The following SPEF2 variants were observed in gnomAD, a reference collection of about 807,000 sequenced individuals.
SPEF2 encodes the protein sperm flagellar and cilia associated 2, also known as sperm flagella and cilia-associated protein 2.
Under a neutral mutation model 224.6 loss-of-function variants are expected in SPEF2, and 187 were observed. The ratio of observed to expected loss-of-function variants is 0.83; its 90% CI spans 0.74 to 0.94. The LOEUF is 0.94. Ranked by LOEUF, SPEF2 falls within the 40% of genes least tolerant of loss-of-function variation. SPEF2 has a pLI of 0.00. For missense variants in SPEF2, 2,170 were observed against 2,135.6 expected (o/e 1.02, Z -0.32); for synonymous variants, 715 against 707.3 (o/e 1.01, Z -0.17).
Position 35,753,612 on chromosome 5 carries a change from T to C in SPEF2, c.3331-12T>C, listed in dbSNP as rs758996536. ...CTAAAGCATAGCCACCATGCCTGTT[T>C]TTTCTGTTCAGGATCTGCGAGACCG... On this transcript the variant is annotated splice_polypyrimidine_tract_variant and intron_variant, in intron 23 of 36. Coordinates refer to ENST00000356031, the MANE Select transcript of SPEF2 (RefSeq NM_024867.4). 1 of 1,613,930 alleles carries C rather than the reference T, an allele frequency of 6.2e-7. No individual in the cohort carries two copies. Among genetic ancestry groups the C allele is most frequent in the East Asian group, 2.2e-5 (1 of 44,876 alleles).
intron 20 of SPEF2, 72 bp downstream of exon 20, chr5:35,712,958 G>T: frequency 7.4e-7 from 1 of 1,349,744 alleles, no homozygotes; most frequent in South Asian, 1.3e-5. Context: ...AAAATAGCTA[G>T]ATTTGTATAG....
rs1758152279 is a variant in SPEF2, at chr5:35,807,020, A to G, written c.5256+68A>G. The G allele has an allele frequency of 1.9e-6, 3 of 1,560,206 alleles. No homozygotes were observed. The African/African-American group carries it at 4.1e-5, about 22-fold the overall frequency. On this transcript the variant is annotated intron_variant, in intron 35 of 36. Coordinates refer to ENST00000356031, the MANE Select transcript of SPEF2 (RefSeq NM_024867.4). ...CATATTTTTATGGAATTGCTCTCAAAATATATCATAGTATGAAATTATACA... is the reference window on the plus strand; with the variant it reads ...CATATTTTTATGGAATTGCTCTCAAGATATATCATAGTATGAAATTATACA...
chr5:35,788,230 C>T (rs562655526), intron 30 of SPEF2: 1 of 702,842 alleles, frequency 1.4e-6, no homozygotes, highest in African/African-American at 1.7e-5. Flanking sequence ...GCAAAGTAAC[C>T]CTCGGGAGAG....
intron 34 of SPEF2, among the ~76,000 whole-genome samples, chr5:35,804,678 T>A (rs192593551): frequency 1.9e-4 from 29 of 152,232 alleles, no homozygotes; most frequent in Admixed American, 1.4e-3. Context: ...TTATTCACTC[T>A]GACATTTCAA....
chr5:35,625,772 G>A (rs953167761), intron 1 of SPEF2, among the ~76,000 whole-genome samples: 3 of 152,162 alleles, frequency 2.0e-5, no homozygotes, highest in African/African-American at 7.2e-5. Context: ...CACCCTGGGT[G>A]GCACATTGAG....
chr5:35,710,232 G>A, intron 19 of SPEF2: 2 of 984,802 alleles, frequency 2.0e-6, no homozygotes, highest in Non-Finnish European at 1.2e-6. Flanking sequence ...AGGTCTGGAG[G>A]AAAATGGAAA....
intron 21 of SPEF2, among the ~76,000 whole-genome samples, chr5:35,738,046 CT>C (rs1746934516): frequency 6.6e-6 from 1 of 152,126 alleles, no homozygotes; most frequent in Non-Finnish European, 1.5e-5. Flanking sequence ...CCTTCACCCA[CT>C]TTTTGATGGG....
chr5:35,793,715 A>T (rs1756266020), intron 32 of SPEF2, among the ~76,000 whole-genome samples: 1 of 146,606 alleles, frequency 6.8e-6, no homozygotes, highest in Non-Finnish European at 1.5e-5. Context: ...GCGTAGAAAG[A>T]ACAGTGGTTA....
intron 11 of SPEF2, 69 bp downstream of exon 11, chr5:35,691,325 A>G (rs1754449852): frequency 1.6e-6 from 2 of 1,237,730 alleles, no homozygotes; most frequent in South Asian, 1.3e-5. Context: ...GCAAATGTCT[A>G]TGTGTATAAA....
intron 23 of SPEF2, among the ~76,000 whole-genome samples, chr5:35,741,682 T>C (rs915341146): frequency 3.3e-5 from 5 of 152,188 alleles, no homozygotes; most frequent in African/African-American, 1.2e-4. Flanking sequence ...CAAGGCGTCA[T>C]TGTGGCTTGG....
chr5:35,687,839 T>C (rs1304740338), intron 10 of SPEF2, among the ~76,000 whole-genome samples: 3 of 152,222 alleles, frequency 2.0e-5, no homozygotes, highest in Non-Finnish European at 4.4e-5. Context: ...AGTCAAATTT[T>C]GAAGCTTTCT....
intron 21 of SPEF2, among the ~76,000 whole-genome samples, chr5:35,737,001 G>C (rs970657985): frequency 5.9e-5 from 9 of 152,038 alleles, no homozygotes; most frequent in African/African-American, 1.9e-4. Context: ...CCACCTCTTG[G>C]TAGCCATTGC....
intron 18 of SPEF2, 55 bp from the exon 19 acceptor site, chr5:35,708,893 A>C: frequency 6.9e-7 from 1 of 1,458,506 alleles, no homozygotes; most frequent in Non-Finnish European, 9.4e-7. Context: ...GTTCAAGTGA[A>C]ATAGTAGATT....
Position 35,691,171 on chromosome 5 carries a change from T to G in SPEF2, c.1659T>G (p.Pro553=), listed in dbSNP as rs1360276037. 6.2e-7 allele frequency: 1 copy of G among 1,614,044 alleles called. No homozygotes were observed. The highest frequency in any genetic ancestry group is 1.3e-5 in the African/African-American group (1 of 75,032). ...SLPPRAESTT[P]ELPSFAVKGC... ...CTCCTCGAGCGGAATCAACAACACC[T>G]GAATTACCTTCATTTGCTGTTAAAG... Residue 553 remains proline, a synonymous_variant, in exon 11 of 37, where the codon CCT becomes CCG. Transcript: ENST00000356031.
intron 10 of SPEF2, among the ~76,000 whole-genome samples, chr5:35,683,451 C>A: frequency 6.6e-6 from 1 of 152,140 alleles, no homozygotes; most frequent in East Asian, 1.9e-4. Context: ...ATGGTGAAAC[C>A]CTGTCTCTAC....
chr5:35,642,800 T>C (rs1346188491), intron 3 of SPEF2, among the ~76,000 whole-genome samples: 4 of 152,236 alleles, frequency 2.6e-5, no homozygotes, highest in Non-Finnish European at 5.9e-5. Context: ...GTAATAGATA[T>C]GAGGGCTATC....
intron 36 of SPEF2, chr5:35,807,961 C>T (rs1031225205): frequency 5.1e-6 from 7 of 1,376,660 alleles, no homozygotes; most frequent in Middle Eastern, 5.5e-4. Context: ...ACGAAGTCTC[C>T]CTGTTTGACT....
chr5:35,757,821 G>A (rs1350330275), intron 24 of SPEF2, among the ~76,000 whole-genome samples: 1 of 152,134 alleles, frequency 6.6e-6, no homozygotes, highest in Non-Finnish European at 1.5e-5. Context: ...AAAATCCAAG[G>A]AGACTATTAA....
chr5:35,727,078 C>G (rs1042829771), intron 20 of SPEF2, among the ~76,000 whole-genome samples: 2 of 151,146 alleles, frequency 1.3e-5, no homozygotes, highest in South Asian at 2.1e-4. Context: ...GCTTATGCCA[C>G]AGCAACTACC....
Sources: gnomAD v4.1 joint callset for allele counts (sites outside exome capture counted in the v4.1 genomes callset) on GRCh38, gnomAD v4.1.1 for gene constraint, MANE v1.5 for transcripts, NCBI Gene and HGNC (gene_info 2026-07-23, HGNC 2026-07-21) for gene names.